The following MGAM variants were observed in gnomAD, a reference collection of about 807,000 sequenced individuals.
MGAM encodes the protein alpha-1,4-glucosidase.
In MGAM, 253 loss-of-function variants were observed where a neutral mutation model predicts 358.8. That is an observed-to-expected ratio of 0.71 (90% confidence interval 0.64 to 0.78). The LOEUF (loss-of-function observed/expected upper bound fraction) is 0.78, where lower values mean the gene tolerates loss of function less well. Ranked by LOEUF, MGAM falls within the 30% of genes least tolerant of loss-of-function variation. The probability of loss-of-function intolerance (pLI) is 0.00; values close to 1 mark genes in which losing one functional copy is unlikely to be tolerated. For missense variants in MGAM, 3,080 were observed against 3,432.6 expected (o/e 0.90, Z 2.57); for synonymous variants, 1,105 against 1,227.1 (o/e 0.90, Z 2.08).
intron 64 of MGAM, chr7:142,095,975 T>C: frequency 1.6e-6 from 1 of 624,082 alleles, no homozygotes; most frequent in Non-Finnish European, 2.7e-6. Flanking sequence ...TGCAAAGGCC[T>C]ATCTATCTTT....
intron 4 of MGAM, 56 bp from the exon 5 acceptor site, chr7:142,020,918 A>G: frequency 8.4e-7 from 1 of 1,195,364 alleles, no homozygotes; most frequent in South Asian, 1.2e-5. Context: ...TTATGTAGCT[A>G]TTATTTGAGA....
intron 69 of MGAM, among the ~76,000 whole-genome samples, chr7:142,102,921 C>T (rs775671488): frequency 2.6e-5 from 4 of 152,200 alleles, no homozygotes; most frequent in African/African-American, 9.6e-5. Flanking sequence ...TACAGGTGGA[C>T]GGGCAGTTTC....
intron 7 of MGAM, 106 bp downstream of exon 7, chr7:142,022,545 A>T: frequency 8.1e-7 from 1 of 1,233,010 alleles, no homozygotes; most frequent in South Asian, 1.7e-5. Flanking sequence ...CTAGAGTGAG[A>T]CTACCTGGCT....
At position 142,044,095 on chromosome 7, in the gene MGAM, G is replaced by A. The variant is rs186159106; in HGVS notation, c.2498+3249G>A. Among the ~76,000 whole-genome samples, 21 of 130,024 alleles carry A rather than the reference G, an allele frequency of 1.6e-4. 1 individual carries two copies. Among genetic ancestry groups the A allele is most frequent in the South Asian group, 9.3e-4 (4 of 4,296 alleles). The allele number at this position is 130,024 out of a possible 152,430, so 85.3% of individuals were successfully genotyped here. A position where few individuals can be genotyped will look rare whatever the true frequency, so the allele number is the denominator to read the frequency against. ...ATAATACATTATATACACATACGACGTATAATATATACATTATATACACAT... is the reference window on the plus strand; with the variant it reads ...ATAATACATTATATACACATACGACATATAATATATACATTATATACACAT... On this transcript the variant is annotated intron_variant, in intron 21 of 70. Transcript: ENST00000475668.
At position 142,067,424 on chromosome 7, in the gene MGAM, G is replaced by A. The variant is rs184831460; in HGVS notation, c.5003G>A (p.Arg1668His). Residue 1668 changes from arginine (R) to histidine (H), a missense_variant and splice_region_variant, in exon 42 of 71, where the codon CGC becomes CAC. Transcript: ENST00000475668. ...TTCCTGGTCAGCCCTGTCCTGGAGC[G>A]CGTGAGTATGGAGGCCTCCGATGAG... ...PAFLVSPVLE[R>H]NARNVTAYFP... 2.5e-5 allele frequency: 39 copies of A among 1,551,594 alleles called. 2 individuals are homozygous for A. In the African/African-American group the frequency reaches 3.1e-4, roughly 12 times the overall value.
At chr7:142,012,577 G>A (rs1805677311) in intron 3 of MGAM, among the ~76,000 whole-genome samples, 1 of 152,122 alleles carries the variant, frequency 6.6e-6, no homozygotes, top group Non-Finnish European at 1.5e-5. Context: ...TTTTCTTAGG[G>A]CAAGCTTCTC....
chr7:142,032,191 G>T (rs988289682), intron 13 of MGAM, among the ~76,000 whole-genome samples: 1 of 151,956 alleles, frequency 6.6e-6, no homozygotes, highest in South Asian at 2.1e-4. Context: ...AAGTACTCAG[G>T]TGCATGAACA....
chr7:142,044,722 G>A (rs62650370), intron 21 of MGAM, among the ~76,000 whole-genome samples: 21,556 of 59,384 alleles, frequency 0.36, 7,310 homozygotes, highest in Non-Finnish European at 0.49. Context: ...AATATATGAT[G>A]TATAATGAAT....
intron 21 of MGAM, among the ~76,000 whole-genome samples, chr7:142,041,217 A>G (rs909117396): frequency 6.6e-6 from 1 of 152,102 alleles, no homozygotes; most frequent in African/African-American, 2.4e-5. Flanking sequence ...TCTCCAAGTC[A>G]CTGAATTTTC....
At chr7:142,067,534 T>A (rs1227744288) in intron 42 of MGAM, 109 bp downstream of exon 42, 8 of 952,820 alleles carry the variant, frequency 8.4e-6, no homozygotes, top group Non-Finnish European at 1.3e-5. Flanking sequence ...TGGTTTCTTA[T>A]TCTACCTGTG....
intron 21 of MGAM, among the ~76,000 whole-genome samples, chr7:142,045,122 A>T (rs1425746825): frequency 2.1e-5 from 2 of 96,072 alleles, no homozygotes; most frequent in South Asian, 3.2e-4. Flanking sequence ...GCAATATATG[A>T]TATATAATAT....
At chr7:142,028,936 A>T (rs1006408330) in intron 10 of MGAM, among the ~76,000 whole-genome samples, 10 of 152,120 alleles carry the variant, frequency 6.6e-5, no homozygotes, top group Admixed American at 2.6e-4. Context: ...TAAAAGCAGG[A>T]CTGAGCCAAA....
At chr7:141,988,506 A>G (rs1584875026) in intron 2 of MGAM, among the ~76,000 whole-genome samples, 1 of 151,986 alleles carries the variant, frequency 6.6e-6, no homozygotes, top group African/African-American at 2.4e-5. Context: ...CTGAGATAAC[A>G]GGCGCCCGCC....
chr7:142,097,217 G>A (rs1374089386), intron 65 of MGAM, among the ~76,000 whole-genome samples: 13 of 152,110 alleles, frequency 8.5e-5, no homozygotes, highest in South Asian at 2.1e-4. Flanking sequence ...GATGACAGAC[G>A]TGAGCCACCG....
chr7:142,057,046 G>A (rs1407956172), intron 30 of MGAM, 104 bp downstream of exon 30: 9 of 1,004,572 alleles, frequency 9.0e-6, no homozygotes, highest in South Asian at 1.8e-5. Flanking sequence ...GGAAATATTG[G>A]TCTTTCTTGG....
rs777252750 is a variant in MGAM at position 142,083,294 on chromosome 7, T to C, written c.6269-7T>C. On this transcript the variant is annotated splice_region_variant and splice_polypyrimidine_tract_variant and intron_variant, in intron 52 of 70. Coordinates refer to ENST00000475668, the MANE Select transcript of MGAM (RefSeq NM_001365693.1). ...CCAGCTTGATTAGCATTTTTCTTCA[T>C]TTTCAGATGTGACGTTCCAGCCCCT... 6.5e-7 allele frequency: 1 copy of C among 1,539,178 alleles called. No homozygotes were observed.
intron 18 of MGAM, among the ~76,000 whole-genome samples, chr7:142,038,210 T>C (rs1808165635): frequency 6.6e-6 from 1 of 152,210 alleles, no homozygotes; most frequent in African/African-American, 2.4e-5. Context: ...TCCATCCGTG[T>C]TGATGCGAAT....
chr7:142,021,517 A>G, intron 5 of MGAM, 69 bp from the exon 6 acceptor site: 3 of 1,448,784 alleles, frequency 2.1e-6, no homozygotes, highest in Non-Finnish European at 2.9e-6. Context: ...CCAGTATCCT[A>G]AGTAGGGATA....
rs1329565100 is a variant in MGAM, at chr7:142,053,696, A to ATAGT, written c.3159+713_3159+716dup. Among the ~76,000 whole-genome samples the ATAGT allele has an allele frequency of 4.6e-5, 7 of 152,294 alleles. No homozygotes were observed. In the South Asian group the frequency reaches 1.4e-3, roughly 32 times the overall value. ...TTCTGAAATCTACAGAGCCTGGCCG[A>ATAGT]TAGTGCTGTAATGTTATTGACAGAG... On this transcript the variant is annotated intron_variant, in intron 26 of 70. Transcript: ENST00000475668.
Sources: gnomAD v4.1 joint callset for allele counts (sites outside exome capture counted in the v4.1 genomes callset) on GRCh38, gnomAD v4.1.1 for gene constraint, MANE v1.5 for transcripts, NCBI Gene and HGNC (gene_info 2026-07-23, HGNC 2026-07-21) for gene names.